Variants in ADRA1D observed in about 807,000 individuals in gnomAD.
The protein encoded by ADRA1D is adrenoceptor alpha 1D.
ADRA1D carries 22 observed loss-of-function variants against 18.6 expected under a neutral mutation model. The ratio of observed to expected loss-of-function variants is 1.19; its 90% CI spans 0.85 to 1.69. The LOEUF (loss-of-function observed/expected upper bound fraction) is 1.69, where lower values mean the gene tolerates loss of function less well. Ranked by LOEUF, ADRA1D falls within the 40% of genes most tolerant of loss-of-function variation. ADRA1D has a pLI of 0.00. For synonymous variants in ADRA1D, 376 were observed against 388.2 expected (o/e 0.97, Z 0.37); for missense variants, 840 against 840.7 (o/e 1.00, Z 0.01).
chr20:4,227,580 C>G (rs835879), intron 1 of ADRA1D, among the ~76,000 whole-genome samples: 68,243 of 151,464 alleles, frequency 0.45, 15,638 homozygotes, highest in East Asian at 0.65. Flanking sequence ...GTCCCCTCGA[C>G]TTTCTTTGTA....
Position 4,249,040 on chromosome 20 carries a change from G to T in ADRA1D, c.-83C>A. 4.8e-6 allele frequency: 5 copies of T among 1,045,778 alleles called. No individual in the cohort carries two copies. In the South Asian group the frequency reaches 1.1e-4, roughly 24 times the overall value. 64.8% of individuals were successfully genotyped at this position (1,045,778 alleles called of 1,614,324 possible). A position where few individuals can be genotyped will look rare whatever the true frequency, so the allele number is the denominator to read the frequency against. ...GGGGAGCACAGGGCATAGCCGCGGGGCTCCAGATGCAGCTCCGCGCACGGG... is the reference window on the plus strand; with the variant it reads ...GGGGAGCACAGGGCATAGCCGCGGGTCTCCAGATGCAGCTCCGCGCACGGG... On this transcript the variant is annotated 5_prime_UTR_variant, in exon 1 of 2. Transcript: ENST00000379453.
chr20:4,247,100 G>T (rs186622108), intron 1 of ADRA1D, among the ~76,000 whole-genome samples: 9 of 152,332 alleles, frequency 5.9e-5, no homozygotes, highest in African/African-American at 2.2e-4. Context: ...GTAGGAGGCG[G>T]CCTCTGAAGA....
chr20:4,235,950 A>ATGAGG (rs1981079357), intron 1 of ADRA1D, among the ~76,000 whole-genome samples: 1 of 152,196 alleles, frequency 6.6e-6, no homozygotes, highest in African/African-American at 2.4e-5. Context: ...GGATCAAGCC[A>ATGAGG]TGCAGGAAGG....
At chr20:4,234,853 A>T (rs1981052290) in intron 1 of ADRA1D, among the ~76,000 whole-genome samples, 1 of 152,226 alleles carries the variant, frequency 6.6e-6, no homozygotes, top group Admixed American at 6.5e-5. Context: ...GCATGTGCAA[A>T]GGCCCTGAGG....
chr20:4,239,276 G>A lies in ADRA1D; in HGVS notation c.1111+8571C>T, dbSNP rs973316258. On this transcript the variant is annotated intron_variant, in intron 1 of 1. Coordinates refer to ENST00000379453, the MANE Select transcript of ADRA1D (RefSeq NM_000678.4). This position sits in a 1 kb window ranked among gnomAD's most constrained non-coding sequence, Gnocchi z 4.9. Reference sequence around the variant, plus strand: ...AGATCTTTAATGAATGGAGCAGGGTGATCAACAGTTCCTCAGATGTTTGGG... The same window carrying A: ...AGATCTTTAATGAATGGAGCAGGGTAATCAACAGTTCCTCAGATGTTTGGG... Among the ~76,000 whole-genome samples, 2 of 152,164 alleles carry A rather than the reference G, an allele frequency of 1.3e-5. No homozygotes were observed. Among genetic ancestry groups the A allele is most frequent in the African/African-American group, 4.8e-5 (2 of 41,424 alleles).
intron 1 of ADRA1D, among the ~76,000 whole-genome samples, chr20:4,242,795 G>C (rs1335720779): frequency 6.6e-6 from 1 of 152,176 alleles, no homozygotes; most frequent in Non-Finnish European, 1.5e-5. Context: ...CCCAACAAGA[G>C]AGAGCTGGGA....
At chr20:4,241,310 A>G (rs999600604) in intron 1 of ADRA1D, among the ~76,000 whole-genome samples, 1 of 152,204 alleles carries the variant, frequency 6.6e-6, no homozygotes, top group African/African-American at 2.4e-5. Context: ...AAGATAGATG[A>G]GTTCTAGGGG....
Position 4,221,851 on chromosome 20 carries a change from AG to A in ADRA1D, c.1390del (p.Leu464SerfsTer81). On this transcript the variant is annotated frameshift_variant, in exon 2 of 2. Transcript: ENST00000379453. LOFTEE classifies it low-confidence loss of function (END_TRUNC). ...GGGGTCGGGGTCGGGGAGCGCGGTGAGGGCCAGCGGCGCTCCGGGGGGCGCG... is the reference window on the plus strand; with the variant it reads ...GGGGTCGGGGTCGGGGAGCGCGGTGAGGCCAGCGGCGCTCCGGGGGGCGCG... The part of the protein sequence containing the change: ...GDAPPGAPLA[L>X]TALPDPDPEP... 6.8e-7 allele frequency: 1 copy of A among 1,472,620 alleles called. No individual in the cohort carries two copies. The highest frequency in any genetic ancestry group is 2.6e-5 in the East Asian group (1 of 38,084). 91.2% of individuals were successfully genotyped at this position (1,472,620 alleles called of 1,614,324 possible).
chr20:4,244,419 G>C (rs923017426), intron 1 of ADRA1D, among the ~76,000 whole-genome samples: 4 of 152,082 alleles, frequency 2.6e-5, no homozygotes, highest in African/African-American at 9.7e-5. Flanking sequence ...GTCTTTCAAC[G>C]TCAATGCTCC....
At chr20:4,226,465 C>T (rs947786247) in intron 1 of ADRA1D, among the ~76,000 whole-genome samples, 8 of 152,200 alleles carry the variant, frequency 5.3e-5, no homozygotes, top group African/African-American at 1.2e-4. Flanking sequence ...TATCAAGTTA[C>T]GGATCACTGT....
chr20:4,230,918 C>G (rs1980938164), intron 1 of ADRA1D, among the ~76,000 whole-genome samples: 1 of 152,226 alleles, frequency 6.6e-6, no homozygotes, highest in African/African-American at 2.4e-5. Flanking sequence ...TCCCGTGCAA[C>G]TACAGGTTCA....
At chr20:4,223,885 TA>T (rs1290471466) in intron 1 of ADRA1D, among the ~76,000 whole-genome samples, 6 of 143,078 alleles carry the variant, frequency 4.2e-5, no homozygotes, top group Non-Finnish European at 9.5e-5. Flanking sequence ...TGACCTATGA[TA>T]TTTTCAATTT....
chr20:4,224,623 AGGCTGC>A lies in ADRA1D; in HGVS notation c.1112-2499_1112-2494del, dbSNP rs1187007978. Among the ~76,000 whole-genome samples, 11 of 145,578 alleles carry A rather than the reference AGGCTGC, an allele frequency of 7.6e-5. 1 individual carries two copies. The highest frequency in any genetic ancestry group is 3.0e-4 in the African/African-American group (11 of 36,084). On this transcript the variant is annotated intron_variant, in intron 1 of 1. Coordinates refer to ENST00000379453, the MANE Select transcript of ADRA1D (RefSeq NM_000678.4). ...GCCAGGGGTGTTCCATCCTGGATAGAGGCTGCAGGTGCCTGTGAGACCAAGCGGGCC... is the reference window on the plus strand; with the variant it reads ...GCCAGGGGTGTTCCATCCTGGATAGAAGGTGCCTGTGAGACCAAGCGGGCC...
chr20:4,230,631 C>A (rs372356690), intron 1 of ADRA1D, among the ~76,000 whole-genome samples: 4 of 152,344 alleles, frequency 2.6e-5, no homozygotes, highest in Non-Finnish European at 5.9e-5. Context: ...GGTTTCTCTC[C>A]TTTCCCTTCT....
intron 1 of ADRA1D, among the ~76,000 whole-genome samples, chr20:4,242,897 G>A (rs972414790): frequency 1.3e-4 from 20 of 151,798 alleles, no homozygotes; most frequent in African/African-American, 3.6e-4. Context: ...TGTAGGTCTC[G>A]GCAGACAGTC....
chr20:4,246,730 G>A (rs1981344543), intron 1 of ADRA1D, among the ~76,000 whole-genome samples: 1 of 152,236 alleles, frequency 6.6e-6, no homozygotes, highest in South Asian at 2.1e-4. Flanking sequence ...CCCTCTCATA[G>A]GTGATGATAG....
chr20:4,232,102 C>T (rs956299535), intron 1 of ADRA1D, among the ~76,000 whole-genome samples: 1 of 151,660 alleles, frequency 6.6e-6, no homozygotes, highest in East Asian at 1.9e-4. Context: ...TTAGTAGAGA[C>T]GGGGCTTCGC....
At chr20:4,234,621 C>T (rs547443229) in intron 1 of ADRA1D, among the ~76,000 whole-genome samples, 6 of 152,130 alleles carry the variant, frequency 3.9e-5, no homozygotes, top group Non-Finnish European at 5.9e-5. Flanking sequence ...TTCCTCTCCC[C>T]CAGTTTGCTC....
At chr20:4,242,640 C>A (rs1981239928) in intron 1 of ADRA1D, among the ~76,000 whole-genome samples, 1 of 152,146 alleles carries the variant, frequency 6.6e-6, no homozygotes, top group Admixed American at 6.5e-5. Flanking sequence ...ATTGGCTGGG[C>A]TGTCCTGGGA....
Sources: allele counts gnomAD v4.1 joint callset (sites outside exome capture counted in the v4.1 genomes callset), GRCh38; gene constraint gnomAD v4.1.1; non-coding constraint Gnocchi (gnomAD v3.1); transcripts MANE v1.5; gene names NCBI Gene and HGNC (gene_info 2026-07-23, HGNC 2026-07-21).